Variants in BCAS3 observed in about 807,000 individuals in gnomAD.
The protein encoded by BCAS3 is BCAS4/BCAS3 fusion.
BCAS3 carries 53 observed loss-of-function variants against 116.1 expected under a neutral mutation model. The observed-to-expected ratio is 0.46, with a 90% CI of 0.37 to 0.57. The LOEUF is 0.57. Ranked by LOEUF, BCAS3 falls within the 20% of genes least tolerant of loss-of-function variation. The pLI is 0.00. For synonymous variants in BCAS3, 391 were observed against 408.2 expected (o/e 0.96, Z 0.51); for missense variants, 917 against 1,165.4 (o/e 0.79, Z 3.10).
chr17:61,248,694 C>A lies in BCAS3; in HGVS notation c.2426-119633C>A, dbSNP rs2048157808. On this transcript the variant is annotated intron_variant, in intron 22 of 23. Transcript: ENST00000407086. This position sits in a 1 kb window ranked among gnomAD's most constrained non-coding sequence, Gnocchi z 4.3. ...GTGGCAGATGACCAACCCTGATAGC[C>A]TGATTTTTAAGGCCCCTAACACAAA... is the stretch of plus-strand genomic sequence containing the variant. Among the ~76,000 whole-genome samples, 1 of 152,058 alleles carries A rather than the reference C, an allele frequency of 6.6e-6. No homozygotes were observed. The highest frequency in any genetic ancestry group is 2.4e-5 in the African/African-American group (1 of 41,392).
intron 14 of BCAS3, among the ~76,000 whole-genome samples, chr17:60,976,565 T>G (rs1023987932): frequency 1.3e-5 from 2 of 152,086 alleles, no homozygotes; most frequent in African/African-American, 2.4e-5. Flanking sequence ...TCTCTGGTTT[T>G]TCTAGGCAGA....
At position 61,376,055 on chromosome 17, in the gene BCAS3, A is replaced by C. The variant is rs1266493165; in HGVS notation, c.2593+7561A>C. ...TTTTAAAATCTGCAATTTAGAGAGA[A>C]CTTTATCCAGTCCAGCCCTAGGGGT... On this transcript the variant is annotated intron_variant, in intron 23 of 23. Coordinates refer to ENST00000407086, the MANE Select transcript of BCAS3 (RefSeq NM_017679.5). The surrounding 1 kb of genome is among the most constrained non-coding windows in gnomAD (Gnocchi z 4.5). 6.6e-6 allele frequency among the ~76,000 whole-genome samples: 1 copy of C among 152,236 alleles called. No homozygotes were observed. The highest frequency in any genetic ancestry group is 2.4e-5 in the African/African-American group (1 of 41,462).
intron 10 of BCAS3, among the ~76,000 whole-genome samples, chr17:60,894,017 G>A (rs772507952): frequency 6.6e-6 from 1 of 151,896 alleles, no homozygotes; most frequent in South Asian, 2.1e-4. Flanking sequence ...TTTTGCTTAG[G>A]ACCGCTTTGG....
At chr17:61,331,594 A>T (rs2056293028) in intron 22 of BCAS3, among the ~76,000 whole-genome samples, 1 of 151,546 alleles carries the variant, frequency 6.6e-6, no homozygotes, top group Non-Finnish European at 1.5e-5. Context: ...GGAGTTCAAG[A>T]CCCCCCTGGA....
chr17:61,100,894 G>A (rs993089357), intron 22 of BCAS3, among the ~76,000 whole-genome samples: 3 of 152,010 alleles, frequency 2.0e-5, no homozygotes, highest in Non-Finnish European at 4.4e-5. Flanking sequence ...AGTTGAAGAT[G>A]CTGAGGTTAA....
intron 6 of BCAS3, among the ~76,000 whole-genome samples, chr17:60,751,542 C>CTTTTTTT (rs535708879): frequency 1.5e-4 from 3 of 20,044 alleles, no homozygotes; most frequent in African/African-American, 1.6e-4. Flanking sequence ...TTTTCTTTTT[C>CTTTTTTT]TTTTTTTTTT....
chr17:60,847,701 T>C (rs1054794964), intron 7 of BCAS3, among the ~76,000 whole-genome samples: 1 of 152,208 alleles, frequency 6.6e-6, no homozygotes, highest in Non-Finnish European at 1.5e-5. Context: ...GTTTGGCTTC[T>C]TGTTGAATTA....
intron 7 of BCAS3, among the ~76,000 whole-genome samples, chr17:60,821,250 A>C (rs1282552154): frequency 6.6e-6 from 1 of 152,168 alleles, no homozygotes; most frequent in Non-Finnish European, 1.5e-5. Flanking sequence ...CCTGGCCATA[A>C]TACAACTTCT....
chr17:61,324,521 C>T lies in BCAS3; in HGVS notation c.2426-43806C>T, dbSNP rs1210033126. Among the ~76,000 whole-genome samples, 1 of 152,174 alleles carries T rather than the reference C, an allele frequency of 6.6e-6. No individual in the cohort carries two copies. The highest frequency in any genetic ancestry group is 1.5e-5 in the Non-Finnish European group (1 of 68,028). On this transcript the variant is annotated intron_variant, in intron 22 of 23. Transcript: ENST00000407086. This position sits in a 1 kb window ranked among gnomAD's most constrained non-coding sequence, Gnocchi z 4.6. ...TATGGTATATCTATATATATCCTGA[C>T]CCCGGGTTGGCTGTGTGTTAAAAAA...
intron 9 of BCAS3, among the ~76,000 whole-genome samples, chr17:60,885,922 C>G (rs1383929063): frequency 6.9e-6 from 1 of 144,494 alleles, no homozygotes; most frequent in African/African-American, 2.7e-5. Flanking sequence ...AATTATGTGT[C>G]TTGGAGTTGC....
intron 22 of BCAS3, among the ~76,000 whole-genome samples, chr17:61,173,414 A>G (rs993075319): frequency 6.6e-6 from 1 of 151,210 alleles, no homozygotes; most frequent in East Asian, 1.9e-4. Context: ...ACGCCACTGC[A>G]CCCCAGCCTG....
rs1006762823 is a variant in BCAS3, at chr17:61,132,171, T to C, written c.2425+47607T>C. Among the ~76,000 whole-genome samples the C allele has an allele frequency of 6.6e-6, 1 of 152,256 alleles. No individual in the cohort carries two copies. Among genetic ancestry groups the C allele is most frequent in the Admixed American group, 6.5e-5 (1 of 15,288 alleles). ...TCTGGTTTTTTCCAGTGATTTTTAC[T>C]AAATTTGATGTTAGGTACCTATAAT... On this transcript the variant is annotated intron_variant, in intron 22 of 23. Coordinates refer to ENST00000407086, the MANE Select transcript of BCAS3 (RefSeq NM_017679.5). The surrounding 1 kb of genome is among the most constrained non-coding windows in gnomAD (Gnocchi z 5.1).
intron 5 of BCAS3, among the ~76,000 whole-genome samples, chr17:60,744,276 C>T (rs1371732104): frequency 6.6e-6 from 1 of 152,200 alleles, no homozygotes; most frequent in Non-Finnish European, 1.5e-5. Flanking sequence ...AAATCCTTAT[C>T]TCTGCCATTT....
intron 14 of BCAS3, 98 bp from the exon 15 acceptor site, chr17:60,989,873 A>T: frequency 7.8e-7 from 1 of 1,288,606 alleles, no homozygotes; most frequent in South Asian, 1.4e-5. Flanking sequence ...TTTGGTAATG[A>T]GGCAATCATT....
rs1382501304 is a variant in BCAS3, at chr17:61,134,541, T to A, written c.2425+49977T>A. On this transcript the variant is annotated intron_variant, in intron 22 of 23. Coordinates refer to ENST00000407086, the MANE Select transcript of BCAS3 (RefSeq NM_017679.5). This position sits in a 1 kb window ranked among gnomAD's most constrained non-coding sequence, Gnocchi z 4.6. ...AGTATTGGACTGAGCAATTTCTAGA[T>A]CCTTTTGGTTCTAGAATTATAGGAA... Among the ~76,000 whole-genome samples the A allele has an allele frequency of 6.6e-6, 1 of 152,194 alleles. No homozygotes were observed. The highest frequency in any genetic ancestry group is 2.4e-5 in the African/African-American group (1 of 41,454).
rs2076800902 is a variant in BCAS3, at chr17:61,139,299, T to A, written c.2425+54735T>A. On this transcript the variant is annotated intron_variant, in intron 22 of 23. Transcript: ENST00000407086. The surrounding 1 kb of genome is among the most constrained non-coding windows in gnomAD (Gnocchi z 4.7). The stretch of plus-strand genomic sequence containing the variant: ...AGATTTTTTTTTCTTCATTTCCTGA[T>A]TTGCTTCTTTAAGGAAGTGCGAGAA... 6.6e-6 allele frequency among the ~76,000 whole-genome samples: 1 copy of A among 152,148 alleles called. No homozygotes were observed. Among genetic ancestry groups the A allele is most frequent in the Non-Finnish European group, 1.5e-5 (1 of 68,028 alleles).
At chr17:60,730,522 A>G (rs1291116140) in intron 5 of BCAS3, among the ~76,000 whole-genome samples, 1 of 152,134 alleles carries the variant, frequency 6.6e-6, no homozygotes, top group Non-Finnish European at 1.5e-5. Flanking sequence ...AGAGATACTG[A>G]CACTCTGATA....
intron 22 of BCAS3, among the ~76,000 whole-genome samples, chr17:61,236,811 T>C (rs1467487577): frequency 6.6e-6 from 1 of 151,568 alleles, no homozygotes; most frequent in Admixed American, 6.6e-5. Context: ...GAGCTGACTT[T>C]GTGGGAAAGT....
chr17:61,329,340 A>ATTATTTTTTTTT (rs1555831696), intron 22 of BCAS3, among the ~76,000 whole-genome samples: 6 of 109,416 alleles, frequency 5.5e-5, no homozygotes, highest in African/African-American at 1.8e-4. Flanking sequence ...TATTATTATT[A>ATTATTTTTTTTT]TTATTTTTTT....
Sources: gnomAD v4.1 joint callset for allele counts (sites outside exome capture counted in the v4.1 genomes callset) on GRCh38, gnomAD v4.1.1 for gene constraint, Gnocchi (gnomAD v3.1) non-coding constraint, MANE v1.5 for transcripts, NCBI Gene and HGNC (gene_info 2026-07-23, HGNC 2026-07-21) for gene names.